PTPRT: variants seen among roughly 807,000 people sequenced by gnomAD.
PTPRT encodes the protein receptor-type tyrosine-protein phosphatase T.
Under a neutral mutation model 176.8 loss-of-function variants are expected in PTPRT, and 56 were observed. That is an observed-to-expected ratio of 0.32 (90% confidence interval 0.26 to 0.40). The LOEUF is 0.40. PTPRT is among the 10% of genes least tolerant of loss of function. The pLI is 1.00. For synonymous variants in PTPRT, 783 were observed against 739.0 expected (o/e 1.06, Z -0.96); for missense variants, 1,540 against 1,908.2 (o/e 0.81, Z 3.60).
chr20:43,127,422 CAA>C (rs35897839), intron 1 of PTPRT, among the ~76,000 whole-genome samples: 4,400 of 101,248 alleles, frequency 0.043, 208 homozygotes, highest in African/African-American at 0.15. Flanking sequence ...GACTCCATCT[CAA>C]AAAAAAAAAA....
At chr20:42,348,967 G>C (rs1440248926) in intron 11 of PTPRT, among the ~76,000 whole-genome samples, 1 of 152,190 alleles carries the variant, frequency 6.6e-6, no homozygotes, top group Non-Finnish European at 1.5e-5. Flanking sequence ...GAGATTCAGA[G>C]GGAAAGTGTA....
intron 1 of PTPRT, among the ~76,000 whole-genome samples, chr20:42,898,878 G>C (rs1004411283): frequency 6.6e-5 from 10 of 152,178 alleles, no homozygotes; most frequent in African/African-American, 2.4e-4. Flanking sequence ...AGAACAGGGG[G>C]AGAGAACAGT....
At chr20:42,560,934 C>A (rs563490378) in intron 7 of PTPRT, among the ~76,000 whole-genome samples, 1 of 152,270 alleles carries the variant, frequency 6.6e-6, no homozygotes, top group East Asian at 1.9e-4. Context: ...TCCCTCCACT[C>A]TCCACCCCCA....
intron 7 of PTPRT, among the ~76,000 whole-genome samples, chr20:42,501,705 A>G (rs1217747154): frequency 3.3e-5 from 5 of 152,216 alleles, no homozygotes; most frequent in Non-Finnish European, 5.9e-5. Flanking sequence ...TGGTTTTTAC[A>G]TAGAAAGTTT....
chr20:42,219,649 C>T (rs1335746431), intron 15 of PTPRT, among the ~76,000 whole-genome samples: 1 of 152,158 alleles, frequency 6.6e-6, no homozygotes, highest in African/African-American at 2.4e-5. Context: ...GGGCTCTGGT[C>T]AAGTTACAAT....
intron 5 of PTPRT, among the ~76,000 whole-genome samples, chr20:42,768,109 G>A (rs1014377424): frequency 2.0e-5 from 3 of 150,364 alleles, no homozygotes; most frequent in African/African-American, 4.9e-5. Context: ...AGCCACACAG[G>A]CATTTGTCAG....
chr20:42,976,842 A>G, intron 1 of PTPRT, among the ~76,000 whole-genome samples: 1 of 152,270 alleles, frequency 6.6e-6, no homozygotes, highest in South Asian at 2.1e-4. Flanking sequence ...GTCCATAAAC[A>G]TGGTATACAA....
intron 6 of PTPRT, chr20:42,687,638 A>T (rs2075720841): frequency 6.6e-6 from 1 of 152,228 alleles, no homozygotes; most frequent in African/African-American, 2.4e-5. Flanking sequence ...CTTTGGAATC[A>T]AAGGCCATGC....
chr20:42,979,473 T>G (rs1398232689), intron 1 of PTPRT, among the ~76,000 whole-genome samples: 2 of 152,204 alleles, frequency 1.3e-5, no homozygotes, highest in Non-Finnish European at 2.9e-5. Flanking sequence ...AAATACACAT[T>G]CACCTATATT....
In PTPRT at chr20:42,363,551, C is replaced by G. The variant is rs564610265; in HGVS notation, c.1561-11266G>C. 1.5e-4 allele frequency among the ~76,000 whole-genome samples: 23 copies of G among 151,646 alleles called. No homozygotes were observed. The East Asian group carries it at 3.9e-3, about 26-fold the overall frequency. On this transcript the variant is annotated intron_variant, in intron 9 of 30. Coordinates refer to ENST00000373187, the MANE Select transcript of PTPRT (RefSeq NM_007050.6). ...TTTCAAACTCCTGACCTCAGGTGATCAGCCCGCCTCGGCCTCCCAAAGTGC... is the reference window on the plus strand; with the variant it reads ...TTTCAAACTCCTGACCTCAGGTGATGAGCCCGCCTCGGCCTCCCAAAGTGC...
chr20:43,162,390 A>G (rs2014722341), intron 1 of PTPRT, among the ~76,000 whole-genome samples: 1 of 152,238 alleles, frequency 6.6e-6, no homozygotes, highest in African/African-American at 2.4e-5. Context: ...AAACTGAGGC[A>G]GAGGTGGCCA....
At chr20:42,038,240 G>T in the PTPRT span, among the ~76,000 whole-genome samples, 1 of 152,204 alleles carries the variant, frequency 6.6e-6, no homozygotes, top group Non-Finnish European at 1.5e-5. Flanking sequence ...TAAATAAGGA[G>T]ATCGGCTCAG....
intron 20 of PTPRT, among the ~76,000 whole-genome samples, chr20:42,119,476 G>A (rs1176867236): frequency 1.3e-5 from 2 of 152,094 alleles, no homozygotes; most frequent in African/African-American, 2.4e-5. Flanking sequence ...TGAAAGGTAC[G>A]ATCATTTTTA....
intron 14 of PTPRT, among the ~76,000 whole-genome samples, chr20:42,237,017 C>T (rs2056258068): frequency 3.3e-5 from 5 of 152,138 alleles, no homozygotes; most frequent in Admixed American, 3.3e-4. Context: ...GCCCAGTTTC[C>T]CTGAGGCTAC....
chr20:42,610,658 T>C (rs939884809), intron 7 of PTPRT, among the ~76,000 whole-genome samples: 1 of 152,194 alleles, frequency 6.6e-6, no homozygotes, highest in African/African-American at 2.4e-5. Flanking sequence ...TTTTTCTTTT[T>C]CTGTTGTTGT....
At chr20:42,731,334 C>T (rs2076457265) in intron 6 of PTPRT, among the ~76,000 whole-genome samples, 1 of 152,194 alleles carries the variant, frequency 6.6e-6, no homozygotes, top group African/African-American at 2.4e-5. Flanking sequence ...CTTGTCATTA[C>T]AGCAATTCCT....
At chr20:42,393,400 G>A (rs1443220358) in intron 9 of PTPRT, among the ~76,000 whole-genome samples, 6 of 152,134 alleles carry the variant, frequency 3.9e-5, no homozygotes, top group African/African-American at 1.2e-4. Flanking sequence ...AGAAAAGCAG[G>A]TGACTGGAGA....
chr20:42,951,435 A>C (rs1159884088), intron 1 of PTPRT, among the ~76,000 whole-genome samples: 2 of 151,938 alleles, frequency 1.3e-5, no homozygotes, highest in African/African-American at 4.8e-5. Flanking sequence ...ATGATAGAGA[A>C]ATCACCCATC....
At chr20:42,421,736 T>C (rs546165109) in intron 9 of PTPRT, among the ~76,000 whole-genome samples, 27 of 152,226 alleles carry the variant, frequency 1.8e-4, no homozygotes, top group Middle Eastern at 3.4e-3. Flanking sequence ...CTAAAAACCC[T>C]GAATAGCCAA....
Sources: allele counts gnomAD v4.1 joint callset (sites outside exome capture counted in the v4.1 genomes callset), GRCh38; gene constraint gnomAD v4.1.1; transcripts MANE v1.5; gene names NCBI Gene and HGNC (gene_info 2026-07-23, HGNC 2026-07-21).